The following RRBP1 variants were observed in gnomAD, a reference collection of about 807,000 sequenced individuals.
RRBP1 encodes ribosome-binding protein 1.
A neutral mutation model predicts 165.2 loss-of-function variants in RRBP1; 94 were observed. The observed-to-expected ratio is 0.57, with a 90% CI of 0.48 to 0.68. The LOEUF (loss-of-function observed/expected upper bound fraction) is 0.68. RRBP1 is among the 30% of genes least tolerant of loss of function. The pLI is 0.00. For missense variants in RRBP1, 1,676 were observed against 1,763.0 expected (o/e 0.95, Z 0.88); for synonymous variants, 680 against 714.5 (o/e 0.95, Z 0.77).
At chr20:17,633,910 C>T (rs1165246508) in intron 7 of RRBP1, among the ~76,000 whole-genome samples, 1 of 152,242 alleles carries the variant, frequency 6.6e-6, no homozygotes, top group Admixed American at 6.5e-5. Flanking sequence ...AACGGCAACA[C>T]AGTTCTGGGT....
intron 24 of RRBP1, 135 bp from the exon 25 acceptor site, chr20:17,614,355 G>T (rs1209466056): frequency 4.9e-6 from 4 of 808,976 alleles, no homozygotes; most frequent in Non-Finnish European, 8.1e-6. Context: ...GAGAACAGGA[G>T]CCACAGACCC....
chr20:17,636,811 A>G (rs2122336123), intron 5 of RRBP1, 82 bp from the exon 6 acceptor site: 1 of 1,553,932 alleles, frequency 6.4e-7, no homozygotes, highest in Middle Eastern at 1.9e-4. Context: ...GCATCACCCG[A>G]GCTGGGAGGC....
At chr20:17,633,757 A>G in intron 7 of RRBP1, 144 bp from the exon 8 acceptor site, 1 of 776,562 alleles carries the variant, frequency 1.3e-6, no homozygotes, top group South Asian at 1.8e-5. Flanking sequence ...CTTTTCCATT[A>G]TCAGCTGTGT....
At chr20:17,630,849 T>A (rs1180956750) in intron 8 of RRBP1, among the ~76,000 whole-genome samples, 1 of 152,244 alleles carries the variant, frequency 6.6e-6, no homozygotes, top group Non-Finnish European at 1.5e-5. Context: ...GGCTGTGAGT[T>A]ATCCCTCGTC....
intron 2 of RRBP1, among the ~76,000 whole-genome samples, chr20:17,679,269 C>G (rs2037136032): frequency 1.3e-5 from 2 of 152,196 alleles, no homozygotes; most frequent in Admixed American, 1.3e-4. Flanking sequence ...TTCATTTATC[C>G]AATGAGACAG....
chr20:17,655,049 A>T (rs1443523005), intron 3 of RRBP1, among the ~76,000 whole-genome samples: 1 of 152,246 alleles, frequency 6.6e-6, no homozygotes, highest in Non-Finnish European at 1.5e-5. Context: ...TTTTAATAGG[A>T]AATTCTTTGC....
intron 13 of RRBP1, among the ~76,000 whole-genome samples, chr20:17,623,742 G>A (rs1298612477): frequency 2.0e-5 from 3 of 152,162 alleles, no homozygotes; most frequent in African/African-American, 2.4e-5. Context: ...GACCAACCAA[G>A]CCAACATGGC....
At chr20:17,639,553 C>A (rs1345304366) in intron 5 of RRBP1, among the ~76,000 whole-genome samples, 2 of 152,210 alleles carry the variant, frequency 1.3e-5, no homozygotes, top group African/African-American at 4.8e-5. Context: ...TACTGTCTCA[C>A]AACATTTCCC....
At chr20:17,655,464 T>C (rs932841757) in intron 3 of RRBP1, among the ~76,000 whole-genome samples, 1 of 152,272 alleles carries the variant, frequency 6.6e-6, no homozygotes, top group African/African-American at 2.4e-5. Flanking sequence ...TCTAAAGAAT[T>C]TGGCACCCGA....
intron 9 of RRBP1, among the ~76,000 whole-genome samples, chr20:17,628,090 C>G (rs370120104): frequency 1.8e-4 from 28 of 152,204 alleles, no homozygotes; most frequent in African/African-American, 6.7e-4. Flanking sequence ...GGGTCCCCCT[C>G]AACCCCCAAG....
Position 17,659,915 on chromosome 20 carries a change from T to A in RRBP1, c.593A>T (p.Gln198Leu). The A allele has an allele frequency of 6.4e-7, 1 of 1,566,248 alleles. No individual in the cohort carries two copies. Among genetic ancestry groups the A allele is most frequent in the Non-Finnish European group, 8.7e-7 (1 of 1,154,042 alleles). The change falls in exon 3 of 25, where the codon CAG becomes CTG. Residue 198 changes from glutamine to leucine, a missense_variant. Around this residue, in one of 5 missense-constraint regions of RRBP1, gnomAD observed 392 missense variants for 382.5 expected, o/e 1.02. Transcript: ENST00000377813. ...KGNTPATGTT[Q>L]GKKAEGTQNQ... ...CTGAGTCCCCTCCGCCTTTTTGCCC[T>A]GAGTAGTGCCAGTGGCTGGTGTGTT...
At chr20:17,618,190 G>A (rs1600724060) in intron 20 of RRBP1, among the ~76,000 whole-genome samples, 1 of 152,270 alleles carries the variant, frequency 6.6e-6, no homozygotes, top group East Asian at 1.9e-4. Context: ...GGGACTTGCT[G>A]AGAGCCCCAG....
Position 17,660,427 on chromosome 20 carries a change from C to G in RRBP1, c.81G>C (p.Leu27=). 1 of 1,614,132 alleles carries G rather than the reference C, an allele frequency of 6.2e-7. No individual in the cohort carries two copies. Among genetic ancestry groups the G allele is most frequent in the South Asian group, 1.1e-5 (1 of 91,076 alleles). ...FMVVSAIGIF[L]VSTFSMKETS... is the part of the protein sequence containing the mutation. ...TTTCCTTCATGGAGAAAGTCGACACCAGGAAGATGCCAATGGCAGAAACAA... is the reference window on the plus strand; with the variant it reads ...TTTCCTTCATGGAGAAAGTCGACACGAGGAAGATGCCAATGGCAGAAACAA... Residue 27 remains leucine, a synonymous_variant, in exon 3 of 25, where the codon CTG becomes CTC. Transcript: ENST00000377813.
Position 17,659,359 on chromosome 20 carries a change from C to A in RRBP1, c.1149G>T (p.Glu383Asp). 3 of 1,537,066 alleles carry A rather than the reference C, an allele frequency of 2.0e-6. No individual in the cohort carries two copies. The highest frequency in any genetic ancestry group is 2.6e-6 in the Non-Finnish European group (3 of 1,142,444). Residue 383 changes from glutamate to aspartate, a missense_variant, in exon 3 of 25, where the codon GAG (glutamate) becomes GAT (aspartate). Physicochemically the swap from Glu to Asp is conservative, Grantham distance 45 (BLOSUM62 2). This residue lies in a region of RRBP1 where 78 missense variants were observed against 115.6 expected (regional missense o/e 0.67). Coordinates refer to ENST00000377813, the MANE Select transcript of RRBP1 (RefSeq NM_001365613.2). ...EGAQNQGKKA[E>D]GAQNQGKKVE... ...CTTTTTTGCCCTGGTTCTGAGCCCC[C>A]TCGGCCTTTTTGCCCTGGTTCTGAG...
intron 24 of RRBP1, among the ~76,000 whole-genome samples, 163 bp from the exon 25 acceptor site, chr20:17,614,383 G>T (rs779750457): frequency 7.2e-5 from 11 of 152,190 alleles, no homozygotes; most frequent in Non-Finnish European, 1.6e-4. Context: ...TGGGGGACAG[G>T]GAGGACTTGG....
Position 17,629,941 on chromosome 20 carries a change from C to G in RRBP1, c.2631G>C (p.Glu877Asp). The stretch of plus-strand genomic sequence containing the variant: ...CGTCCAGGCGCTTCTGCAGGGCCTC[C>G]TCACTCTCCCTGTGGGACGCCTGGG... ...LQLQASHRESEEALQKRLDEV... is the reference protein window; with the variant it reads ...LQLQASHRESDEALQKRLDEV... The change falls in exon 9 of 25, where the codon GAG (glutamate) becomes GAC (aspartate). Residue 877 changes from glutamate (E) to aspartate (D), a missense_variant. Around this residue, in one of 5 missense-constraint regions of RRBP1, gnomAD observed 1,184 missense variants for 1,167.1 expected, o/e 1.01. Transcript: ENST00000377813. The G allele has an allele frequency of 6.3e-7, 1 of 1,598,432 alleles. No homozygotes were observed.
At chr20:17,639,150 GGTTACATCACTGGA>G (rs988540562) in intron 5 of RRBP1, among the ~76,000 whole-genome samples, 10 of 152,208 alleles carry the variant, frequency 6.6e-5, no homozygotes, top group African/African-American at 2.4e-4. Context: ...GTGCCTTCTT[GGTTACATCACTGGA>G]GCTCTGCCTG....
intron 3 of RRBP1, among the ~76,000 whole-genome samples, chr20:17,646,030 C>T (rs1181939013): frequency 6.6e-6 from 1 of 152,188 alleles, no homozygotes; most frequent in Non-Finnish European, 1.5e-5. Context: ...ATAATCCAGA[C>T]CTCTGTCTGG....
intron 12 of RRBP1, among the ~76,000 whole-genome samples, chr20:17,625,141 CCACACCA>C (rs1364419511): frequency 2.6e-5 from 4 of 152,098 alleles, no homozygotes; most frequent in Non-Finnish European, 1.5e-5. Context: ...GTGGCCGAGG[CCACACCA>C]GGACAGCAGG....
Sources: gnomAD v4.1 joint callset for allele counts (sites outside exome capture counted in the v4.1 genomes callset) on GRCh38, gnomAD v4.1.1 for gene constraint, gnomAD v4.1.1 regional missense constraint, MANE v1.5 for transcripts, NCBI Gene and HGNC (gene_info 2026-07-23, HGNC 2026-07-21) for gene names.